The following CILK1 variants were observed in gnomAD, a reference collection of about 807,000 sequenced individuals.
CILK1 encodes serine/threonine-protein kinase ICK.
Under a neutral mutation model 79.2 loss-of-function variants are expected in CILK1, and 47 were observed. The observed-to-expected ratio is 0.59, with a 90% confidence interval of 0.47 to 0.76. The LOEUF is 0.76. Ranked by LOEUF, CILK1 falls within the 30% of genes least tolerant of loss-of-function variation. CILK1 has a pLI of 0.00. For missense variants in CILK1, 660 were observed against 769.5 expected (o/e 0.86, Z 1.68); for synonymous variants, 266 against 275.9 (o/e 0.96, Z 0.36).
chr6:53,017,425 C>G (rs1764956421), intron 7 of CILK1, among the ~76,000 whole-genome samples: 1 of 152,130 alleles, frequency 6.6e-6, no homozygotes, highest in Non-Finnish European at 1.5e-5. Flanking sequence ...AGATATCACT[C>G]AGGCAGAGGG....
chr6:53,026,640 ACT>A (rs1327324260), intron 5 of CILK1, among the ~76,000 whole-genome samples: 1 of 152,130 alleles, frequency 6.6e-6, no homozygotes, highest in Admixed American at 6.5e-5. Context: ...TGGTAATAAA[ACT>A]CTGATTCGTA....
intron 11 of CILK1, 124 bp downstream of exon 11, chr6:53,011,644 TC>T (rs35465352): frequency 1.6e-5 from 15 of 925,954 alleles, no homozygotes; most frequent in Non-Finnish European, 2.7e-5. Flanking sequence ...TCTATGATGT[TC>T]CCCTCAGTTC....
At chr6:53,060,908 A>C (rs1298386191) in intron 1 of CILK1, 1 of 152,204 alleles carries the variant, frequency 6.6e-6, no homozygotes, top group Non-Finnish European at 1.5e-5. Context: ...AACAAACAAA[A>C]AAATTCAAAC....
intron 5 of CILK1, among the ~76,000 whole-genome samples, chr6:53,025,772 A>G (rs1765529880): frequency 6.6e-6 from 1 of 152,230 alleles, no homozygotes. Flanking sequence ...AATATAACAA[A>G]TTTGTGAATA....
intron 9 of CILK1, 25 bp from the exon 10 acceptor site, chr6:53,012,252 A>C: frequency 1.9e-6 from 3 of 1,610,142 alleles, no homozygotes; most frequent in Non-Finnish European, 2.5e-6. Context: ...GGGGTGGGGG[A>C]AAGCAATACT....
At chr6:53,019,461 A>G (rs1765087569) in intron 5 of CILK1, 102 bp from the exon 6 acceptor site, 1 of 1,341,984 alleles carries the variant, frequency 7.5e-7, no homozygotes, top group Non-Finnish European at 1.0e-6. Flanking sequence ...TTTAAAAAGT[A>G]GTCTGGCATG....
At chr6:53,012,813 T>C (rs1764654991) in intron 9 of CILK1, among the ~76,000 whole-genome samples, 1 of 152,180 alleles carries the variant, frequency 6.6e-6, no homozygotes, top group Admixed American at 6.5e-5. Flanking sequence ...AAATACTAAC[T>C]GACACAGAAA....
At chr6:53,053,306 T>G (rs79330215) in intron 1 of CILK1, among the ~76,000 whole-genome samples, 24 of 152,332 alleles carry the variant, frequency 1.6e-4, no homozygotes, top group Non-Finnish European at 2.8e-4. Flanking sequence ...TAACTCGCAG[T>G]ATTTCTAAAT....
chr6:53,010,996 G>A (rs1015526429), intron 11 of CILK1, among the ~76,000 whole-genome samples: 2 of 152,260 alleles, frequency 1.3e-5, no homozygotes, highest in Non-Finnish European at 2.9e-5. Flanking sequence ...TTGGCATGCA[G>A]TAGATGCTTG....
At chr6:53,032,399 T>A (rs1016586499) in intron 4 of CILK1, 134 bp downstream of exon 4, 13 of 305,342 alleles carry the variant, frequency 4.3e-5, no homozygotes, top group African/African-American at 2.8e-4. Flanking sequence ...TAAAGTATAA[T>A]AATAATAAAA....
intron 1 of CILK1, among the ~76,000 whole-genome samples, chr6:53,053,553 A>G (rs946446097): frequency 6.6e-6 from 1 of 152,332 alleles, no homozygotes; most frequent in African/African-American, 2.4e-5. Context: ...CACAAGTTAC[A>G]TGTCTAGATT....
intron 1 of CILK1, among the ~76,000 whole-genome samples, chr6:53,050,059 C>G (rs1005012245): frequency 6.6e-6 from 1 of 152,060 alleles, no homozygotes; most frequent in Non-Finnish European, 1.5e-5. Context: ...TTTCAGCACT[C>G]TAATGACTAT....
At chr6:53,035,265 G>A (rs540449755) in intron 3 of CILK1, among the ~76,000 whole-genome samples, 2 of 152,052 alleles carry the variant, frequency 1.3e-5, no homozygotes, top group South Asian at 4.2e-4. Context: ...GGACTTTTTT[G>A]GGTTAGAGAG....
chr6:53,032,999 A>G (rs985751753), intron 3 of CILK1, among the ~76,000 whole-genome samples: 3 of 152,180 alleles, frequency 2.0e-5, no homozygotes, highest in African/African-American at 7.2e-5. Flanking sequence ...GGAATCAATA[A>G]AAGAAGCTTA....
At chr6:53,043,202 A>C (rs925743750) in intron 1 of CILK1, among the ~76,000 whole-genome samples, 2 of 151,790 alleles carry the variant, frequency 1.3e-5, no homozygotes, top group African/African-American at 4.8e-5. Flanking sequence ...TGTAGTCCCA[A>C]CTACTCGGGA....
rs1485378095 is a variant in CILK1 at position 53,002,214 on chromosome 6, C to T, written c.*2935G>A. On this transcript the variant is annotated 3_prime_UTR_variant, in exon 14 of 14. Transcript: ENST00000676107. ...AATCATGTCAAGAGTAGTTTTTATG[C>T]AAATGCAGTTTTCCCTACTCTGCTG... The T allele has an allele frequency of 6.6e-6, 1 of 152,110 alleles. No homozygotes were observed. Among genetic ancestry groups the T allele is most frequent in the Admixed American group, 6.5e-5 (1 of 15,280 alleles). 9.4% of individuals were successfully genotyped at this position (152,110 alleles called of 1,614,324 possible). A position where few individuals can be genotyped will look rare whatever the true frequency, so the allele number is the denominator to read the frequency against.
intron 2 of CILK1, among the ~76,000 whole-genome samples, chr6:53,039,513 A>G (rs1038656777): frequency 2.6e-5 from 4 of 152,108 alleles, no homozygotes; most frequent in African/African-American, 9.7e-5. Context: ...GAGGTAGGGA[A>G]CCCAATAATG....
chr6:53,033,644 A>C (rs1334573237), intron 3 of CILK1, among the ~76,000 whole-genome samples: 1 of 152,218 alleles, frequency 6.6e-6, no homozygotes, highest in Non-Finnish European at 1.5e-5. Flanking sequence ...CATAGAGAAG[A>C]GAGTCCAATA....
intron 1 of CILK1, among the ~76,000 whole-genome samples, chr6:53,049,256 A>T (rs1767314216): frequency 6.6e-6 from 1 of 152,224 alleles, no homozygotes; most frequent in Admixed American, 6.5e-5. Context: ...AGTGGGCTAT[A>T]CTAACTTTTG....
Sources: gnomAD v4.1 joint callset for allele counts (sites outside exome capture counted in the v4.1 genomes callset) on GRCh38, gnomAD v4.1.1 for gene constraint, MANE v1.5 for transcripts, NCBI Gene and HGNC (gene_info 2026-07-23, HGNC 2026-07-21) for gene names.